Variants in CELA3B observed in about 807,000 individuals in gnomAD.
The protein encoded by CELA3B is chymotrypsin-like elastase family member 3B.
A neutral mutation model predicts 37.2 loss-of-function variants in CELA3B; 34 were observed. The ratio of observed to expected loss-of-function variants is 0.91; its 90% CI spans 0.70 to 1.22. The LOEUF is 1.22. Ranked by LOEUF, CELA3B falls within the 50% of genes most tolerant of loss-of-function variation. The pLI is 0.00. For missense variants in CELA3B, 340 were observed against 363.1 expected, an observed-to-expected ratio of 0.94 and a Z score of 0.52; for synonymous variants, 127 against 143.5, an observed-to-expected ratio of 0.89 and a Z score of 0.82.
At chr1:21,978,537 C>G (rs1185603000) in intron 2 of CELA3B, 83 bp downstream of exon 2, 5 of 1,503,068 alleles carry the variant, frequency 3.3e-6, no homozygotes, top group Non-Finnish European at 4.6e-6. Flanking sequence ...GCCTTGACAC[C>G]ATTGCTCCCT....
exon 5 of CELA3B, chr1:21,998,210 C>G: frequency 2.1e-6 from 1 of 469,840 alleles, no homozygotes; most frequent in South Asian, 1.6e-5. Flanking sequence ...TGTGATTCAC[C>G]GTGAACACTG....
Position 21,996,922 on chromosome 1 carries a change from T to C in CELA3B, c.505-1229T>C, listed in dbSNP as rs896986158. Among the ~76,000 whole-genome samples the C allele has an allele frequency of 3.0e-4, 46 of 151,290 alleles. 2 individuals carry two copies. The highest frequency in any genetic ancestry group is 1.1e-3 in the African/African-American group (44 of 40,870). The stretch of plus-strand genomic sequence containing the variant: ...ACACTGCTGACCCATCTGAGACAGC[T>C]GGGGCTGGTAGCTGGGAAATGTTGA... On this transcript the variant is annotated intron_variant, in intron 4 of 4. Transcript: ENST00000400277.
At chr1:21,982,014 C>T (rs545790721) in intron 4 of CELA3B, among the ~76,000 whole-genome samples, 10 of 152,178 alleles carry the variant, frequency 6.6e-5, no homozygotes, top group Non-Finnish European at 8.8e-5. Flanking sequence ...CATGAGCCAC[C>T]GCGCCCTGCC....
chr1:21,998,063 A>G (rs1194116163), intron 4 of CELA3B: 2 of 448,832 alleles, frequency 4.5e-6, no homozygotes, highest in Non-Finnish European at 4.7e-6. Flanking sequence ...TCCTGTTTAC[A>G]TTACTCAGGT....
At chr1:21,978,206 T>C (rs535005530) in intron 1 of CELA3B, among the ~76,000 whole-genome samples, 163 bp from the exon 2 acceptor site, 2 of 149,838 alleles carry the variant, frequency 1.3e-5, no homozygotes, top group East Asian at 4.0e-4. Flanking sequence ...CTGCTCTAGT[T>C]TAAATGTTCA....
At chr1:21,977,444 T>G (rs1644779120) in intron 1 of CELA3B, among the ~76,000 whole-genome samples, 1 of 152,170 alleles carries the variant, frequency 6.6e-6, no homozygotes, top group Non-Finnish European at 1.5e-5. Flanking sequence ...GGCTCCATAT[T>G]CTATGCTCTG....
chr1:21,994,885 C>G (rs1230428992), intron 4 of CELA3B, among the ~76,000 whole-genome samples: 3 of 149,294 alleles, frequency 2.0e-5, no homozygotes, highest in Non-Finnish European at 4.4e-5. Flanking sequence ...GCCTGCAGTC[C>G]CAGCGACTCG....
intron 7 of CELA3B, among the ~76,000 whole-genome samples, chr1:21,988,682 GA>G (rs1389367279): frequency 1.3e-5 from 2 of 150,588 alleles, no homozygotes; most frequent in Non-Finnish European, 2.9e-5. Flanking sequence ...ACAAGGTCAG[GA>G]GATTGAGACC....
intron 4 of CELA3B, among the ~76,000 whole-genome samples, chr1:21,995,299 T>A (rs977301116): frequency 4.6e-5 from 7 of 150,622 alleles, no homozygotes; most frequent in African/African-American, 1.7e-4. Flanking sequence ...CCATCACGTC[T>A]GGCTAATTTT....
In CELA3B at chr1:21,981,149, G is replaced by A; in HGVS notation, c.339G>A (p.Trp113Ter). The A allele has an allele frequency of 6.2e-7, 1 of 1,612,348 alleles. No individual in the cohort carries two copies. The highest frequency in any genetic ancestry group is 8.5e-7 in the Non-Finnish European group (1 of 1,180,002). ...GGGACCTCTTTGTGCATCCACTCTG[G>A]AACCGCTCGTGTGTGGCCTGTGGGT... ...NSGDLFVHPL[W>*]NRSCVACGND... The change falls in exon 4 of 8, where the codon TGG (tryptophan) becomes TGA (stop). Residue 113 changes from tryptophan to a stop codon, truncating the protein, a stop_gained. Transcript: ENST00000337107. LOFTEE classifies it high-confidence loss of function.
At chr1:21,980,748 C>A (rs1644799001) in intron 2 of CELA3B, 76 bp from the exon 3 acceptor site, 5 of 1,042,614 alleles carry the variant, frequency 4.8e-6, no homozygotes, top group Admixed American at 3.8e-5. Context: ...GCACAGTGCA[C>A]AACCTATACA....
At chr1:21,986,831 G>A in intron 7 of CELA3B, 148 bp downstream of exon 7, 3 of 932,872 alleles carry the variant, frequency 3.2e-6, no homozygotes, top group Non-Finnish European at 4.8e-6. Flanking sequence ...AGAAAGGCTT[G>A]GGGATGTTTT....
chr1:21,997,690 C>CAA (rs35751810), intron 4 of CELA3B, among the ~76,000 whole-genome samples: 1 of 131,916 alleles, frequency 7.6e-6, no homozygotes, highest in East Asian at 2.5e-4. Flanking sequence ...ACTTCGTCTC[C>CAA]AAAAAAAAAA....
intron 2 of CELA3B, among the ~76,000 whole-genome samples, chr1:21,979,425 T>C (rs944541927): frequency 6.7e-6 from 1 of 148,710 alleles, no homozygotes; most frequent in Non-Finnish European, 1.5e-5. Flanking sequence ...GTGCTTGCCA[T>C]ATTTCTTTTT....
At chr1:21,978,995 T>G (rs1484908038) in intron 2 of CELA3B, among the ~76,000 whole-genome samples, 1 of 150,914 alleles carries the variant, frequency 6.6e-6, no homozygotes, top group Non-Finnish European at 1.5e-5. Context: ...TGCAGTGAGA[T>G]GAGATCGCAC....
intron 4 of CELA3B, 95 bp downstream of exon 4, chr1:21,981,267 G>T: frequency 8.1e-6 from 1 of 123,598 alleles, no homozygotes; most frequent in African/African-American, 3.3e-5. Flanking sequence ...TCTGAGTTGG[G>T]ACGTAGGGAC....
downstream of CELA3B, among the ~76,000 whole-genome samples, chr1:21,992,619 C>T (rs1461874254): frequency 2.0e-5 from 3 of 151,506 alleles, no homozygotes; most frequent in African/African-American, 2.4e-5. Flanking sequence ...GGTGGATGAG[C>T]TGCAGTTGTT....
At chr1:21,979,220 G>A (rs1366551522) in intron 2 of CELA3B, among the ~76,000 whole-genome samples, 16 of 150,860 alleles carry the variant, frequency 1.1e-4, no homozygotes, top group Admixed American at 7.9e-4. Context: ...TTACAGGCAT[G>A]CGCCACCAAG....
chr1:21,985,275 G>A (rs115293450), intron 6 of CELA3B, among the ~76,000 whole-genome samples: 8,151 of 99,878 alleles, frequency 0.082, 665 homozygotes, highest in African/African-American at 0.22. Flanking sequence ...AGAGCAAGAT[G>A]TTGTCTTTTT....
Sources: gnomAD v4.1 joint callset for allele counts (sites outside exome capture counted in the v4.1 genomes callset) on GRCh38, gnomAD v4.1.1 for gene constraint, MANE v1.5 for transcripts, NCBI Gene and HGNC (gene_info 2026-07-23, HGNC 2026-07-21) for gene names.